Variants in ADGB observed in about 807,000 individuals in gnomAD.
The protein encoded by ADGB is androglobin.
A neutral mutation model predicts 210.5 loss-of-function variants in ADGB; 172 were observed. The ratio of observed to expected loss-of-function variants is 0.82; its 90% CI spans 0.72 to 0.93. The LOEUF is 0.93. ADGB is among the 40% of genes least tolerant of loss of function. The pLI is 0.00. For missense variants in ADGB, 2,025 were observed against 1,964.8 expected, an observed-to-expected ratio of 1.03 and a Z score of -0.58; for synonymous variants, 658 against 662.7, an observed-to-expected ratio of 0.99 and a Z score of 0.11.
intron 7 of ADGB, among the ~76,000 whole-genome samples, chr6:146,671,305 G>A (rs1330138437): frequency 6.6e-6 from 1 of 152,104 alleles, no homozygotes; most frequent in Non-Finnish European, 1.5e-5. Context: ...ATTCTTGAGG[G>A]GGGTCTTCTG....
intron 28 of ADGB, among the ~76,000 whole-genome samples, chr6:146,764,599 G>A (rs1181618922): frequency 6.6e-6 from 1 of 152,028 alleles, no homozygotes; most frequent in Non-Finnish European, 1.5e-5. Flanking sequence ...GAAAATGCCA[G>A]AAATAAATGT....
intron 1 of ADGB, among the ~76,000 whole-genome samples, chr6:146,618,191 CTAAT>C (rs58929628): frequency 0.017 from 2,515 of 151,688 alleles, 71 homozygotes; most frequent in African/African-American, 0.056. Flanking sequence ...ATAACAGTCT[CTAAT>C]TATCCTTTGT....
chr6:146,810,734 G>A (rs1778290989), intron 35 of ADGB, among the ~76,000 whole-genome samples: 1 of 152,112 alleles, frequency 6.6e-6, no homozygotes, highest in African/African-American at 2.4e-5. Context: ...TCACTCACAT[G>A]TGGAATTGTG....
At chr6:146,650,976 T>C (rs1031974817) in intron 3 of ADGB, among the ~76,000 whole-genome samples, 1 of 152,208 alleles carries the variant, frequency 6.6e-6, no homozygotes, top group African/African-American at 2.4e-5. Context: ...TCTAGACAGC[T>C]AGAGAAACCA....
Position 146,672,236 on chromosome 6 carries a change from A to C in ADGB, c.856A>C (p.Lys286Gln). Reference sequence around the variant, plus strand: ...TTCTCTTAGCCCGGGATATATGGACAAAGTTTGGGAGCTCCTGAAAGAAAT... The same window carrying C: ...TTCTCTTAGCCCGGGATATATGGACCAAGTTTGGGAGCTCCTGAAAGAAAT... ...VISLHPGYMD[K>Q]VWELLKEILP... The change falls in exon 8 of 36, where the codon AAA becomes CAA. Residue 286 changes from lysine to glutamine, a missense_variant. Transcript: ENST00000397944. 6.5e-7 allele frequency: 1 copy of C among 1,527,788 alleles called. No individual in the cohort carries two copies. Among genetic ancestry groups the C allele is most frequent in the Non-Finnish European group, 8.8e-7 (1 of 1,136,828 alleles). 94.6% of individuals were successfully genotyped at this position (1,527,788 alleles called of 1,614,324 possible). A position where few individuals can be genotyped will look rare whatever the true frequency, so the allele number is the denominator to read the frequency against.
At chr6:146,745,884 G>A (rs377218301) in intron 25 of ADGB, 38 bp from the exon 26 acceptor site, 38 of 1,462,940 alleles carry the variant, frequency 2.6e-5, no homozygotes, top group Non-Finnish European at 3.3e-5. Flanking sequence ...GAATAATAAC[G>A]ACATAATTCA....
intron 28 of ADGB, among the ~76,000 whole-genome samples, chr6:146,766,540 C>G (rs928322743): frequency 2.6e-5 from 4 of 151,742 alleles, no homozygotes; most frequent in Admixed American, 6.6e-5. Flanking sequence ...GGAGAAATCG[C>G]AGAGTTGATT....
chr6:146,807,762 C>T (rs927444360), intron 35 of ADGB: 92 of 519,196 alleles, frequency 1.8e-4, no homozygotes, highest in Non-Finnish European at 2.4e-4. Context: ...TGAAGCCATT[C>T]GAGTTTAAGA....
At chr6:146,762,153 T>TC (rs1562294818) in intron 27 of ADGB, among the ~76,000 whole-genome samples, 2 of 144,014 alleles carry the variant, frequency 1.4e-5, no homozygotes, top group Admixed American at 6.9e-5. Flanking sequence ...GGACATATTT[T>TC]TTTGGGGGGG....
At chr6:146,739,997 G>A (rs1247685625) in intron 23 of ADGB, among the ~76,000 whole-genome samples, 1 of 152,156 alleles carries the variant, frequency 6.6e-6, no homozygotes, top group East Asian at 1.9e-4. Flanking sequence ...CTTGCGCATA[G>A]CCTTAAATTT....
chr6:146,664,289 A>G lies in ADGB; in HGVS notation c.701A>G (p.Glu234Gly). Residue 234 changes from glutamate to glycine, a missense_variant, in exon 6 of 36, where the codon GAA becomes GGA. Glu to Gly is a moderately conservative substitution (Grantham distance 98). Coordinates refer to ENST00000397944, the MANE Select transcript of ADGB (RefSeq NM_024694.4). ...CTTCCAGCTACAACTTATGAATTTG[A>G]ACTGTGGCCAATGCTTTTGTCTAAA... ...LLLPATTYEF[E>G]LWPMLLSKAI... 6.5e-7 allele frequency: 1 copy of G among 1,550,010 alleles called. No homozygotes were observed. The highest frequency in any genetic ancestry group is 8.7e-7 in the Non-Finnish European group (1 of 1,146,134).
intron 9 of ADGB, 101 bp from the exon 10 acceptor site, chr6:146,685,633 C>G (rs780734340): frequency 1.9e-6 from 1 of 536,002 alleles, no homozygotes; most frequent in East Asian, 3.5e-5. Flanking sequence ...TTCACCAGCC[C>G]GAAGATAAAT....
intron 33 of ADGB, among the ~76,000 whole-genome samples, chr6:146,794,690 A>C (rs563176106): frequency 2.2e-4 from 34 of 152,212 alleles, no homozygotes; most frequent in Admixed American, 6.5e-4. Context: ...ATCCTCTCCC[A>C]AAAAAAGCAA....
chr6:146,799,116 A>G (rs1778086839), intron 33 of ADGB, among the ~76,000 whole-genome samples: 1 of 151,606 alleles, frequency 6.6e-6, no homozygotes, highest in Non-Finnish European at 1.5e-5. Flanking sequence ...AGAAGATCCA[A>G]GTGGGAGGGG....
chr6:146,619,601 C>T (rs1015918815), intron 1 of ADGB, among the ~76,000 whole-genome samples: 2 of 151,970 alleles, frequency 1.3e-5, no homozygotes, highest in Non-Finnish European at 2.9e-5. Context: ...AGTTATAACA[C>T]GTTATTTTAA....
chr6:146,709,081 C>T (rs1340298544), intron 13 of ADGB, among the ~76,000 whole-genome samples: 1 of 152,114 alleles, frequency 6.6e-6, no homozygotes, highest in Non-Finnish European at 1.5e-5. Context: ...TAATTCCAAT[C>T]TCTTTGTTAA....
intron 22 of ADGB, among the ~76,000 whole-genome samples, chr6:146,735,839 A>G (rs1777071687): frequency 6.6e-6 from 1 of 152,182 alleles, no homozygotes; most frequent in Non-Finnish European, 1.5e-5. Flanking sequence ...GCAATGTTAC[A>G]TATTTTGGCC....
At chr6:146,800,531 G>T (rs555263013) in intron 33 of ADGB, among the ~76,000 whole-genome samples, 2 of 76,078 alleles carry the variant, frequency 2.6e-5, no homozygotes, top group African/African-American at 1.5e-4. Context: ...TACTTCAGTA[G>T]CTTTTTTTTA....
chr6:146,791,420 T>G (rs1286176630), intron 33 of ADGB, among the ~76,000 whole-genome samples: 1 of 152,210 alleles, frequency 6.6e-6, no homozygotes, highest in Non-Finnish European at 1.5e-5. Flanking sequence ...CATGGCTCGC[T>G]GCAGCCTCAA....
Sources: gnomAD v4.1 joint callset for allele counts (sites outside exome capture counted in the v4.1 genomes callset) on GRCh38, gnomAD v4.1.1 for gene constraint, MANE v1.5 for transcripts, NCBI Gene and HGNC (gene_info 2026-07-23, HGNC 2026-07-21) for gene names.